Variants in CTNND2 observed in about 807,000 individuals in gnomAD.
CTNND2 encodes the protein catenin delta 2, also known as catenin delta-2.
A neutral mutation model predicts 144.4 loss-of-function variants in CTNND2; 22 were observed. That is an observed-to-expected ratio of 0.15 (90% CI 0.11 to 0.22). The LOEUF is 0.22. CTNND2 is among the 10% of genes least tolerant of loss of function. The pLI, the probability that CTNND2 is intolerant of heterozygous loss-of-function variation, is 1.00. For synonymous variants in CTNND2, 751 were observed against 695.6 expected, an observed-to-expected ratio of 1.08 and a Z score of -1.25; for missense variants, 1,353 against 1,618.8, an observed-to-expected ratio of 0.84 and a Z score of 2.82.
chr5:11,725,947 A>G (rs928506245), intron 2 of CTNND2, among the ~76,000 whole-genome samples: 1 of 152,198 alleles, frequency 6.6e-6, no homozygotes, highest in South Asian at 2.1e-4. Context: ...AGAATATTCT[A>G]TGGGTTAATT....
In CTNND2 at chr5:11,421,731, C is replaced by T. The variant is rs79076635; in HGVS notation, c.288-9662G>A. Among the ~76,000 whole-genome samples the T allele has an allele frequency of 2.0e-5, 3 of 152,206 alleles. No individual in the cohort carries two copies. In the East Asian group the frequency reaches 5.8e-4, roughly 29 times the overall value. ...AGTCACCACAAACTCTTGGTGAGTGCTCACTGTGGCTCTGCGGATAACAAA... is the reference window on the plus strand; with the variant it reads ...AGTCACCACAAACTCTTGGTGAGTGTTCACTGTGGCTCTGCGGATAACAAA... On this transcript the variant is annotated intron_variant, in intron 3 of 21. Coordinates refer to ENST00000304623, the MANE Select transcript of CTNND2 (RefSeq NM_001332.4).
At chr5:11,350,297 GAC>G (rs1755194840) in intron 8 of CTNND2, among the ~76,000 whole-genome samples, 1 of 151,952 alleles carries the variant, frequency 6.6e-6, no homozygotes, top group Non-Finnish European at 1.5e-5. Context: ...AATTTATTGA[GAC>G]ATGCAAAAAA....
At chr5:11,799,759 T>C (rs1468480041) in intron 1 of CTNND2, among the ~76,000 whole-genome samples, 1 of 152,214 alleles carries the variant, frequency 6.6e-6, no homozygotes, top group African/African-American at 2.4e-5. Context: ...CAGACAGTGA[T>C]AGATACTATT....
Position 11,904,011 on chromosome 5 carries a change from C to A in CTNND2, c.-158G>T, listed in dbSNP as rs1160400235. On this transcript the variant is annotated 5_prime_UTR_variant, in exon 1 of 22. Coordinates refer to ENST00000304623, the MANE Select transcript of CTNND2 (RefSeq NM_001332.4). The surrounding 1 kb of genome is among the most constrained non-coding windows in gnomAD (Gnocchi z 4.2). The stretch of plus-strand genomic sequence containing the variant: ...AAGGGATGCTGGCGGGCGGCAGGGG[C>A]GAGCGCCGCGGGCGAGAGGCGGCTC... 3 of 816,408 alleles carry A rather than the reference C, an allele frequency of 3.7e-6. No individual in the cohort carries two copies. The highest frequency in any genetic ancestry group is 4.8e-6 in the Non-Finnish European group (3 of 618,882). 50.6% of individuals were successfully genotyped at this position (816,408 alleles called of 1,614,324 possible). A position where few individuals can be genotyped will look rare whatever the true frequency, so the allele number is the denominator to read the frequency against.
chr5:11,763,895 C>T (rs1789426988), intron 1 of CTNND2, among the ~76,000 whole-genome samples: 1 of 151,970 alleles, frequency 6.6e-6, no homozygotes. Flanking sequence ...AATCAAGGGT[C>T]CACAACTCTG....
intron 5 of CTNND2, 117 bp from the exon 6 acceptor site, chr5:11,397,320 G>T: frequency 1.2e-6 from 1 of 815,004 alleles, no homozygotes; most frequent in South Asian, 2.7e-5. Flanking sequence ...AGCCATCCAT[G>T]CTTAAAATTC....
chr5:11,031,281 G>C (rs566886378), intron 16 of CTNND2, among the ~76,000 whole-genome samples: 1 of 152,208 alleles, frequency 6.6e-6, no homozygotes, highest in South Asian at 2.1e-4. Context: ...GCAATCAGCA[G>C]AAAGAACAGA....
chr5:11,172,138 G>A (rs917744498), intron 11 of CTNND2, among the ~76,000 whole-genome samples: 2 of 152,154 alleles, frequency 1.3e-5, no homozygotes, highest in Non-Finnish European at 2.9e-5. Context: ...CGATGCACTA[G>A]CTTCACCTCT....
chr5:11,581,320 T>A (rs1165369402), intron 2 of CTNND2, among the ~76,000 whole-genome samples: 1 of 152,204 alleles, frequency 6.6e-6, no homozygotes, highest in Non-Finnish European at 1.5e-5. Context: ...ATCAAACATA[T>A]GCATATTTTC....
rs562552842 is a variant in CTNND2, at chr5:11,445,018, C to T, written c.288-32949G>A. ...AAACTGCCTCAGTTTCCTACGGCTGCAGTACCAAAGTAACATAAACTGGGT... is the reference window on the plus strand; with the variant it reads ...AAACTGCCTCAGTTTCCTACGGCTGTAGTACCAAAGTAACATAAACTGGGT... On this transcript the variant is annotated intron_variant, in intron 3 of 21. Transcript: ENST00000304623. 2.6e-5 allele frequency among the ~76,000 whole-genome samples: 4 copies of T among 152,286 alleles called. No individual in the cohort carries two copies. In the East Asian group the frequency reaches 7.8e-4, roughly 30 times the overall value.
intron 2 of CTNND2, among the ~76,000 whole-genome samples, chr5:11,709,845 C>CT (rs1458092734): frequency 1.4e-4 from 22 of 152,054 alleles, no homozygotes; most frequent in African/African-American, 5.1e-4. Flanking sequence ...TGAAATTGTC[C>CT]TTTAAGTACA....
intron 2 of CTNND2, among the ~76,000 whole-genome samples, chr5:11,590,174 T>C (rs888712896): frequency 1.3e-5 from 2 of 151,530 alleles, no homozygotes; most frequent in African/African-American, 2.4e-5. Context: ...GCCTCCCGAG[T>C]AGCAGGAACT....
intron 3 of CTNND2, among the ~76,000 whole-genome samples, chr5:11,443,458 GGTGT>G (rs572032623): frequency 2.0e-5 from 3 of 148,464 alleles, no homozygotes; most frequent in African/African-American, 7.5e-5. Flanking sequence ...ATGTCTGTGC[GGTGT>G]GTGTGTGTGC....
intron 3 of CTNND2, among the ~76,000 whole-genome samples, chr5:11,528,225 A>C (rs2150050877): frequency 6.6e-6 from 1 of 152,306 alleles, no homozygotes; most frequent in East Asian, 1.9e-4. Context: ...AGGAGGCATC[A>C]CTGTAACTTG....
intron 9 of CTNND2, among the ~76,000 whole-genome samples, chr5:11,292,989 C>G (rs565595027): frequency 6.6e-6 from 1 of 152,284 alleles, no homozygotes; most frequent in African/African-American, 2.4e-5. Flanking sequence ...ATACACCAAG[C>G]ATCAGCCAAT....
chr5:11,142,104 C>G (rs766538526), intron 12 of CTNND2, among the ~76,000 whole-genome samples: 3 of 152,068 alleles, frequency 2.0e-5, no homozygotes, highest in African/African-American at 7.2e-5. Context: ...CCTCCAGATA[C>G]GTAAGAAATA....
intron 9 of CTNND2, among the ~76,000 whole-genome samples, chr5:11,309,221 T>C (rs258637): frequency 0.068 from 10,360 of 152,190 alleles, 1,176 homozygotes; most frequent in African/African-American, 0.24. Flanking sequence ...CCCAGAATGG[T>C]AGATCCACTG....
chr5:11,152,042 C>T (rs1337398725), intron 12 of CTNND2, among the ~76,000 whole-genome samples: 5 of 152,104 alleles, frequency 3.3e-5, no homozygotes, highest in Admixed American at 1.3e-4. Flanking sequence ...AAGATAGAAA[C>T]TTTAAGCCAG....
intron 1 of CTNND2, among the ~76,000 whole-genome samples, chr5:11,736,141 T>C (rs1389790794): frequency 6.6e-6 from 1 of 152,222 alleles, no homozygotes; most frequent in Non-Finnish European, 1.5e-5. Context: ...GCCTATTTCC[T>C]ATAACCTGTA....
Sources: gnomAD v4.1 joint callset for allele counts (sites outside exome capture counted in the v4.1 genomes callset) on GRCh38, gnomAD v4.1.1 for gene constraint, Gnocchi (gnomAD v3.1) non-coding constraint, MANE v1.5 for transcripts, NCBI Gene and HGNC (gene_info 2026-07-23, HGNC 2026-07-21) for gene names.